The following SCHIP1 variants were observed in gnomAD, a reference collection of about 807,000 sequenced individuals.
SCHIP1 encodes schwannomin-interacting protein 1.
In SCHIP1, 8 loss-of-function variants were observed where a neutral mutation model predicts 29.7. The observed-to-expected ratio is 0.27, with a 90% CI of 0.16 to 0.49. The LOEUF (loss-of-function observed/expected upper bound fraction) is 0.49. Among genes scored for constraint, SCHIP1 ranks in the 20% least tolerant of loss-of-function variants. The pLI is 0.99. For synonymous variants in SCHIP1, 76 were observed against 94.9 expected, an observed-to-expected ratio of 0.80 and a Z score of 1.16; for missense variants, 193 against 294.6, an observed-to-expected ratio of 0.66 and a Z score of 2.52.
At chr3:159,401,523 T>A in the SCHIP1 span, 1 of 204,364 alleles carries the variant, frequency 4.9e-6, no homozygotes, top group African/African-American at 2.4e-5. Context: ...TTTTCATCCT[T>A]ATTTAAAATA....
chr3:159,832,875 T>TGA, the SCHIP1 span, among the ~76,000 whole-genome samples: 1 of 152,208 alleles, frequency 6.6e-6, no homozygotes, highest in Non-Finnish European at 1.5e-5. Flanking sequence ...TAAGCTATTT[T>TGA]GAGAGAGAGA....
the SCHIP1 span, among the ~76,000 whole-genome samples, chr3:159,473,909 T>G: frequency 8.5e-5 from 13 of 152,072 alleles, no homozygotes; most frequent in Non-Finnish European, 1.5e-4. Context: ...AAAGATTAAC[T>G]TTGCAAATAA....
chr3:159,803,177 ATG>A, the SCHIP1 span, among the ~76,000 whole-genome samples: 7,397 of 150,374 alleles, frequency 0.049, 291 homozygotes, highest in Non-Finnish European at 0.061. Flanking sequence ...AAAGGTGTGT[ATG>A]TGTGTGTGTG....
chr3:159,571,047 C>T, the SCHIP1 span, among the ~76,000 whole-genome samples: 94 of 152,234 alleles, frequency 6.2e-4, no homozygotes, highest in South Asian at 0.015. Context: ...TGGGCTGAGA[C>T]GACGGGGTTT....
chr3:159,618,848 C>A, the SCHIP1 span, among the ~76,000 whole-genome samples: 1 of 152,254 alleles, frequency 6.6e-6, no homozygotes, highest in Non-Finnish European at 1.5e-5. Context: ...TGGGGGCCTG[C>A]TCCTGGTGGG....
chr3:159,860,820 C>A (rs560372899), intron 1 of SCHIP1, among the ~76,000 whole-genome samples: 12 of 152,182 alleles, frequency 7.9e-5, no homozygotes, highest in Non-Finnish European at 1.5e-4. Context: ...CCTTTCTCAT[C>A]TACTGGATCC....
At chr3:159,492,483 C>G in the SCHIP1 span, among the ~76,000 whole-genome samples, 2 of 152,048 alleles carry the variant, frequency 1.3e-5, no homozygotes, top group African/African-American at 4.8e-5. Context: ...AGGCGATCAA[C>G]TGGAAGAAAG....
At chr3:159,647,212 C>G in the SCHIP1 span, among the ~76,000 whole-genome samples, 1 of 151,882 alleles carries the variant, frequency 6.6e-6, no homozygotes, top group East Asian at 1.9e-4. Flanking sequence ...AAGAGAGTGT[C>G]ATCGAAAAAG....
At chr3:159,510,115 T>G in the SCHIP1 span, among the ~76,000 whole-genome samples, 1 of 152,224 alleles carries the variant, frequency 6.6e-6, no homozygotes. Flanking sequence ...CAATCAGACG[T>G]AGATTTGGTC....
At chr3:159,367,152 G>A in the SCHIP1 span, among the ~76,000 whole-genome samples, 1 of 152,106 alleles carries the variant, frequency 6.6e-6, no homozygotes, top group Admixed American at 6.6e-5. Flanking sequence ...CTCCAGGTTG[G>A]GAGGCCAAGG....
the SCHIP1 span, among the ~76,000 whole-genome samples, chr3:159,307,422 A>G: frequency 6.6e-6 from 1 of 152,226 alleles, no homozygotes; most frequent in Non-Finnish European, 1.5e-5. Flanking sequence ...AGCATCAGGC[A>G]CACATATCTA....
intron 2 of SCHIP1, among the ~76,000 whole-genome samples, chr3:159,884,422 G>T (rs1716771363): frequency 6.7e-6 from 1 of 150,124 alleles, no homozygotes; most frequent in South Asian, 2.1e-4. Flanking sequence ...ATGGATAAAA[G>T]TAAAAAGGTG....
the SCHIP1 span, among the ~76,000 whole-genome samples, chr3:159,568,533 A>G: frequency 1.3e-5 from 2 of 152,102 alleles, no homozygotes; most frequent in Non-Finnish European, 2.9e-5. Flanking sequence ...AGATGCTCAT[A>G]CAGTCTTACT....
At chr3:159,678,519 C>T in the SCHIP1 span, among the ~76,000 whole-genome samples, 1 of 152,172 alleles carries the variant, frequency 6.6e-6, no homozygotes, top group African/African-American at 2.4e-5. Flanking sequence ...ATAAAATATA[C>T]TTTTAATTTT....
chr3:159,471,575 A>G, the SCHIP1 span, among the ~76,000 whole-genome samples: 72 of 152,270 alleles, frequency 4.7e-4, no homozygotes, highest in East Asian at 0.012. Context: ...ACCATCTAAA[A>G]TATACATTAC....
At chr3:159,491,775 G>C in the SCHIP1 span, among the ~76,000 whole-genome samples, 1 of 152,326 alleles carries the variant, frequency 6.6e-6, no homozygotes, top group East Asian at 1.9e-4. Flanking sequence ...GCATGCAGCT[G>C]GAGATCTGAG....
the SCHIP1 span, among the ~76,000 whole-genome samples, chr3:159,405,880 C>CA: frequency 0.072 from 5,378 of 74,864 alleles, 116 homozygotes; most frequent in East Asian, 0.2. Flanking sequence ...GAGACTCTGT[C>CA]AAAAAAAAAA....
the SCHIP1 span, among the ~76,000 whole-genome samples, chr3:159,479,503 C>T: frequency 0.036 from 5,430 of 152,178 alleles, 114 homozygotes; most frequent in African/African-American, 0.041. Flanking sequence ...TTTTCACATA[C>T]GGTCAGATCA....
the SCHIP1 span, among the ~76,000 whole-genome samples, chr3:159,712,560 A>G: frequency 3.4e-3 from 515 of 151,616 alleles, 4 homozygotes; most frequent in African/African-American, 0.012. Context: ...CTACAAAAAA[A>G]AAAATTAATT....
Sources: gnomAD v4.1 joint callset for allele counts (sites outside exome capture counted in the v4.1 genomes callset) on GRCh38, gnomAD v4.1.1 for gene constraint, MANE v1.5 for transcripts, NCBI Gene and HGNC (gene_info 2026-07-23, HGNC 2026-07-21) for gene names.